The following SH3GL2 variants were observed in gnomAD, a reference collection of about 807,000 sequenced individuals.
SH3GL2 encodes endophilin-A1.
A neutral mutation model predicts 46.0 loss-of-function variants in SH3GL2; 24 were observed. That is an observed-to-expected ratio of 0.52 (90% CI 0.38 to 0.73). SH3GL2 has a LOEUF of 0.73. Ranked by LOEUF, SH3GL2 falls within the 30% of genes least tolerant of loss-of-function variation. The probability of loss-of-function intolerance (pLI) is 0.00; values close to 1 mark genes in which losing one functional copy is unlikely to be tolerated. For missense variants in SH3GL2, 413 were observed against 424.2 expected, an observed-to-expected ratio of 0.97 and a Z score of 0.23; for synonymous variants, 196 against 147.1, an observed-to-expected ratio of 1.33 and a Z score of -2.40.
intron 1 of SH3GL2, among the ~76,000 whole-genome samples, chr9:17,730,543 C>T (rs896181157): frequency 6.6e-6 from 1 of 152,082 alleles, no homozygotes; most frequent in African/African-American, 2.4e-5. Flanking sequence ...TGCCGGTTTT[C>T]AAAGTGAATG....
At chr9:17,620,318 A>G (rs1377715402) in intron 1 of SH3GL2, among the ~76,000 whole-genome samples, 1 of 152,230 alleles carries the variant, frequency 6.6e-6, no homozygotes, top group African/African-American at 2.4e-5. Flanking sequence ...TGCACTGGGT[A>G]TCCAGTGAGG....
chr9:17,730,551 A>T (rs1344607927), intron 1 of SH3GL2, among the ~76,000 whole-genome samples: 1 of 152,144 alleles, frequency 6.6e-6, no homozygotes, highest in Non-Finnish European at 1.5e-5. Flanking sequence ...TTCAAAGTGA[A>T]TGCTGCCAGC....
intron 1 of SH3GL2, among the ~76,000 whole-genome samples, chr9:17,616,943 A>G (rs775914455): frequency 2.8e-4 from 42 of 152,330 alleles, no homozygotes; most frequent in Admixed American, 1.8e-3. Context: ...TCCTTCCCAG[A>G]GGCAACCATT....
chr9:17,591,754 G>A (rs890383163), intron 1 of SH3GL2, among the ~76,000 whole-genome samples: 1 of 152,170 alleles, frequency 6.6e-6, no homozygotes, highest in African/African-American at 2.4e-5. Flanking sequence ...ATAAAGCCTG[G>A]AACATTGCTA....
In SH3GL2 at chr9:17,614,927, G is replaced by A. The variant is rs369341083; in HGVS notation, c.45+35640G>A. 4.6e-5 allele frequency among the ~76,000 whole-genome samples: 7 copies of A among 152,258 alleles called. No individual in the cohort carries two copies. In the South Asian group the frequency reaches 1.2e-3, roughly 27 times the overall value. ...AGTTTCCCCACACCCAAAAGGCTCC[G>A]CGACAGCATTTCCAGGTATAGGGGC... On this transcript the variant is annotated intron_variant, in intron 1 of 8. Transcript: ENST00000380607.
chr9:17,791,038 A>T (rs892173130), intron 6 of SH3GL2, among the ~76,000 whole-genome samples, 193 bp from the exon 7 acceptor site: 1 of 152,156 alleles, frequency 6.6e-6, no homozygotes, highest in South Asian at 2.1e-4. Flanking sequence ...AAGCATAAGG[A>T]TGCTTTCTTT....
intron 1 of SH3GL2, among the ~76,000 whole-genome samples, chr9:17,638,377 C>T (rs762717827): frequency 1.7e-4 from 26 of 152,142 alleles, no homozygotes; most frequent in African/African-American, 6.3e-4. Context: ...GTATATAAAC[C>T]AGCAAAACAG....
chr9:17,627,487 T>A lies in SH3GL2; in HGVS notation c.45+48200T>A, dbSNP rs554280519. 2.6e-5 allele frequency among the ~76,000 whole-genome samples: 4 copies of A among 152,264 alleles called. No individual in the cohort carries two copies. The East Asian group carries it at 7.7e-4, about 29-fold the overall frequency. Reference sequence around the variant, plus strand: ...GTGAAAAGTAACAGACGTCAAGTGTTAGCAAGCAGACCCTATCTGTTATTT... The same window carrying A: ...GTGAAAAGTAACAGACGTCAAGTGTAAGCAAGCAGACCCTATCTGTTATTT... On this transcript the variant is annotated intron_variant, in intron 1 of 8. Transcript: ENST00000380607.
intron 1 of SH3GL2, among the ~76,000 whole-genome samples, chr9:17,722,712 C>G (rs1212256073): frequency 6.6e-6 from 1 of 152,026 alleles, no homozygotes; most frequent in Non-Finnish European, 1.5e-5. Context: ...ACCTCTGGAT[C>G]ACTTCCCTTC....
At chr9:17,644,277 AG>A in intron 1 of SH3GL2, among the ~76,000 whole-genome samples, 1 of 151,814 alleles carries the variant, frequency 6.6e-6, no homozygotes, top group East Asian at 1.9e-4. Flanking sequence ...CAACTCTTTC[AG>A]AAAAACAGCT....
intron 2 of SH3GL2, among the ~76,000 whole-genome samples, chr9:17,747,555 G>T (rs1588297747): frequency 6.6e-6 from 1 of 152,320 alleles, no homozygotes; most frequent in African/African-American, 2.4e-5. Flanking sequence ...AGGCAGCCAT[G>T]TATAGTGGAG....
At chr9:17,682,028 C>A (rs1177103278) in intron 1 of SH3GL2, among the ~76,000 whole-genome samples, 8 of 152,072 alleles carry the variant, frequency 5.3e-5, no homozygotes, top group Non-Finnish European at 1.2e-4. Context: ...CATCTCACGC[C>A]AGTCAGAATG....
chr9:17,756,886 C>G (rs1823009605), intron 2 of SH3GL2, among the ~76,000 whole-genome samples: 1 of 152,096 alleles, frequency 6.6e-6, no homozygotes, highest in Non-Finnish European at 1.5e-5. Flanking sequence ...TTCTAGATCC[C>G]TGAGGAATTG....
chr9:17,588,683 C>G (rs138501131), intron 1 of SH3GL2, among the ~76,000 whole-genome samples: 157 of 152,302 alleles, frequency 1.0e-3, no homozygotes, highest in African/African-American at 3.7e-3. Flanking sequence ...AGATAAGAGC[C>G]CAGTCTAGCC....
chr9:17,728,505 C>G (rs539574392), intron 1 of SH3GL2, among the ~76,000 whole-genome samples: 1 of 152,018 alleles, frequency 6.6e-6, no homozygotes, highest in South Asian at 2.1e-4. Context: ...ACTTTAAGTT[C>G]TGGGATACAT....
At chr9:17,726,918 T>C (rs767146043) in intron 1 of SH3GL2, among the ~76,000 whole-genome samples, 1 of 152,176 alleles carries the variant, frequency 6.6e-6, no homozygotes, top group Admixed American at 6.5e-5. Context: ...TTGAATATTA[T>C]ATAGTCACAC....
intron 1 of SH3GL2, among the ~76,000 whole-genome samples, chr9:17,710,556 A>G (rs1821592924): frequency 6.6e-6 from 1 of 151,984 alleles, no homozygotes; most frequent in African/African-American, 2.4e-5. Context: ...CTAGATGTAG[A>G]CTCAAAAGAA....
At chr9:17,702,637 A>G (rs1821366777) in intron 1 of SH3GL2, among the ~76,000 whole-genome samples, 2 of 152,118 alleles carry the variant, frequency 1.3e-5, no homozygotes, top group Admixed American at 1.3e-4. Flanking sequence ...ATGTGAATAT[A>G]AAAGAGTCCT....
intron 1 of SH3GL2, among the ~76,000 whole-genome samples, chr9:17,687,699 T>A (rs930205756): frequency 6.6e-6 from 1 of 151,148 alleles, no homozygotes; most frequent in African/African-American, 2.5e-5. Context: ...GGTGATAAAG[T>A]TTAAGTCGAG....
Sources: gnomAD v4.1 joint callset for allele counts (sites outside exome capture counted in the v4.1 genomes callset) on GRCh38, gnomAD v4.1.1 for gene constraint, MANE v1.5 for transcripts, NCBI Gene and HGNC (gene_info 2026-07-23, HGNC 2026-07-21) for gene names.